USH2A: variants seen among roughly 807,000 people sequenced by gnomAD.
USH2A encodes Usher syndrome 2A (autosomal recessive, mild).
A neutral mutation model predicts 538.9 loss-of-function variants in USH2A; 443 were observed. The ratio of observed to expected loss-of-function variants is 0.82; its 90% confidence interval spans 0.76 to 0.89. The LOEUF is 0.89. Ranked by LOEUF, USH2A falls within the 40% of genes least tolerant of loss-of-function variation. The probability of loss-of-function intolerance (pLI) is 0.00; values close to 1 mark genes in which losing one functional copy is unlikely to be tolerated. For synonymous variants in USH2A, 2,413 were observed against 2,273.5 expected, an observed-to-expected ratio of 1.06 and a Z score of -1.75; for missense variants, 6,633 against 6,324.8, an observed-to-expected ratio of 1.05 and a Z score of -1.65.
At chr1:216,410,139 A>ACATTGT (rs1163624127) in intron 3 of USH2A, among the ~76,000 whole-genome samples, 1 of 149,492 alleles carries the variant, frequency 6.7e-6, no homozygotes, top group African/African-American at 2.6e-5. Flanking sequence ...AATCAAAACC[A>ACATTGT]CAATGAAAGA....
intron 50 of USH2A, among the ~76,000 whole-genome samples, chr1:215,794,527 G>A (rs1662069924): frequency 6.6e-6 from 1 of 152,178 alleles, no homozygotes; most frequent in African/African-American, 2.4e-5. Flanking sequence ...ACAGTCATTA[G>A]GGGCTACAGG....
chr1:216,168,341 C>T (rs1015925865), intron 21 of USH2A, among the ~76,000 whole-genome samples: 2 of 152,062 alleles, frequency 1.3e-5, no homozygotes, highest in Admixed American at 1.3e-4. Context: ...AGAAAAGACA[C>T]TGGACAATTT....
At chr1:216,157,064 G>C (rs1332489026) in intron 21 of USH2A, among the ~76,000 whole-genome samples, 1 of 152,032 alleles carries the variant, frequency 6.6e-6, no homozygotes. Flanking sequence ...AGTAGAGACA[G>C]GGTTTCACCA....
chr1:216,293,946 A>T (rs994988230), intron 9 of USH2A, among the ~76,000 whole-genome samples: 1 of 152,222 alleles, frequency 6.6e-6, no homozygotes, highest in Non-Finnish European at 1.5e-5. Context: ...CACTTGAGTT[A>T]CGTTGTTGGA....
At chr1:215,677,065 C>A (rs1040357619) in intron 62 of USH2A, among the ~76,000 whole-genome samples, 2 of 152,150 alleles carry the variant, frequency 1.3e-5, no homozygotes, top group East Asian at 1.9e-4. Context: ...CCTCCCTCAC[C>A]GTTGATTGAT....
chr1:215,829,091 G>T lies in USH2A; in HGVS notation c.9371+8900C>A, dbSNP rs538463742. Among the ~76,000 whole-genome samples, 165 of 152,110 alleles carry T rather than the reference G, an allele frequency of 1.1e-3. 2 individuals are homozygous for T. Among genetic ancestry groups the T allele is most frequent in the African/African-American group, 3.8e-3 (158 of 41,488 alleles). On this transcript the variant is annotated intron_variant, in intron 47 of 71. Transcript: ENST00000307340. Reference sequence around the variant, plus strand: ...TGTAGGCCATGGCCAGACATGTCCGGGTTATCGATCAGTAGTTAGTATTCT... The same window carrying T: ...TGTAGGCCATGGCCAGACATGTCCGTGTTATCGATCAGTAGTTAGTATTCT...
Position 215,846,024 on chromosome 1 carries a change from T to G in USH2A, c.8855A>C (p.Asp2952Ala). Residue 2952 changes from aspartate to alanine, a missense_variant, in exon 45 of 72, where the codon GAC becomes GCC. Coordinates refer to ENST00000307340, the MANE Select transcript of USH2A (RefSeq NM_206933.4). ...DVRWAKPTVQ[D>A]LQGEVEYYTL... ...GTAATATTCAACTTCACCTTGTAGG[T>G]CTTGAACAGCTGTCAACAATAAATG... 2 of 1,613,606 alleles carry G rather than the reference T, an allele frequency of 1.2e-6. No individual in the cohort carries two copies. The highest frequency in any genetic ancestry group is 1.7e-6 in the Non-Finnish European group (2 of 1,179,824).
intron 32 of USH2A, among the ~76,000 whole-genome samples, chr1:216,002,058 C>T (rs1162800441): frequency 1.3e-5 from 2 of 152,068 alleles, no homozygotes; most frequent in Non-Finnish European, 2.9e-5. Flanking sequence ...TGTGGCATTG[C>T]CAGGGACTGC....
intron 27 of USH2A, among the ~76,000 whole-genome samples, chr1:216,077,614 TTATA>T (rs1357055068): frequency 1.3e-5 from 2 of 148,922 alleles, no homozygotes; most frequent in Non-Finnish European, 3.0e-5. Context: ...CATATATTTC[TTATA>T]TAATTATGTA....
chr1:215,944,112 G>A (rs114765705), intron 37 of USH2A, among the ~76,000 whole-genome samples: 4,912 of 152,134 alleles, frequency 0.032, 126 homozygotes, highest in South Asian at 0.084. Context: ...ATGTATAAAC[G>A]AGTTATAATA....
chr1:216,112,875 T>C (rs925131820), intron 21 of USH2A, among the ~76,000 whole-genome samples: 1 of 152,084 alleles, frequency 6.6e-6, no homozygotes, highest in Non-Finnish European at 1.5e-5. Context: ...TTTAGGTTGA[T>C]TCTATGTCTT....
chr1:215,962,266 A>G (rs1667220132), intron 37 of USH2A, among the ~76,000 whole-genome samples: 1 of 152,128 alleles, frequency 6.6e-6, no homozygotes, highest in Non-Finnish European at 1.5e-5. Context: ...TTACAAAGTT[A>G]CAAATTCATT....
At chr1:215,975,589 T>C (rs1011260136) in intron 35 of USH2A, among the ~76,000 whole-genome samples, 2 of 152,222 alleles carry the variant, frequency 1.3e-5, no homozygotes, top group African/African-American at 4.8e-5. Context: ...CTCCATTGAT[T>C]ATTTTTGTTG....
At chr1:215,791,623 T>A (rs1661984771) in intron 50 of USH2A, among the ~76,000 whole-genome samples, 1 of 152,226 alleles carries the variant, frequency 6.6e-6, no homozygotes, top group Non-Finnish European at 1.5e-5. Flanking sequence ...GTTTATCTAA[T>A]GTGATAACTC....
chr1:215,686,125 A>G (rs1658416859), intron 61 of USH2A, among the ~76,000 whole-genome samples: 1 of 152,134 alleles, frequency 6.6e-6, no homozygotes, highest in African/African-American at 2.4e-5. Context: ...ATTTTTGAGC[A>G]TCTTTTATGC....
chr1:215,872,843 G>A (rs1013687601), intron 43 of USH2A, among the ~76,000 whole-genome samples: 4 of 151,852 alleles, frequency 2.6e-5, no homozygotes, highest in African/African-American at 9.7e-5. Context: ...TAAGAGCATG[G>A]CATTCCTCCC....
chr1:216,219,149 T>C (rs1229600783), intron 14 of USH2A, among the ~76,000 whole-genome samples: 1 of 152,110 alleles, frequency 6.6e-6, no homozygotes, highest in Non-Finnish European at 1.5e-5. Flanking sequence ...ATGTATAACA[T>C]AATTCCGTTC....
chr1:215,707,584 T>G (rs77567628), intron 61 of USH2A, among the ~76,000 whole-genome samples: 2,196 of 152,304 alleles, frequency 0.014, 17 homozygotes, highest in Non-Finnish European at 0.021. Context: ...TTCCAAAGGA[T>G]AATTGTTTAA....
intron 19 of USH2A, among the ~76,000 whole-genome samples, chr1:216,191,460 C>T (rs2034715235): frequency 6.6e-6 from 1 of 151,860 alleles, no homozygotes; most frequent in South Asian, 2.1e-4. Context: ...GTTTCAATAA[C>T]ATTCAGAAAT....
Sources: gnomAD v4.1 joint callset for allele counts (sites outside exome capture counted in the v4.1 genomes callset) on GRCh38, gnomAD v4.1.1 for gene constraint, MANE v1.5 for transcripts, NCBI Gene and HGNC (gene_info 2026-07-23, HGNC 2026-07-21) for gene names.